The following ANO3 variants were observed in gnomAD, a reference collection of about 807,000 sequenced individuals.
The protein encoded by ANO3 is anoctamin-3.
Under a neutral mutation model 144.8 loss-of-function variants are expected in ANO3, and 99 were observed. The observed-to-expected ratio is 0.68, with a 90% CI of 0.58 to 0.81. The LOEUF (loss-of-function observed/expected upper bound fraction) is 0.81, where lower values mean the gene tolerates loss of function less well. Among genes scored for constraint, ANO3 ranks in the 30% least tolerant of loss-of-function variants. ANO3 has a pLI of 0.00. For synonymous variants in ANO3, 414 were observed against 392.6 expected, an observed-to-expected ratio of 1.05 and a Z score of -0.64; for missense variants, 905 against 1,202.2, an observed-to-expected ratio of 0.75 and a Z score of 3.66.
chr11:26,408,892 A>G (rs1420398230), intron 1 of ANO3, among the ~76,000 whole-genome samples: 5 of 150,618 alleles, frequency 3.3e-5, no homozygotes, highest in Non-Finnish European at 7.4e-5. Flanking sequence ...ACCAAACACC[A>G]CATGTTCTCA....
intron 20 of ANO3, among the ~76,000 whole-genome samples, chr11:26,637,918 C>G (rs747297326): frequency 2.6e-5 from 4 of 152,104 alleles, no homozygotes; most frequent in Admixed American, 2.6e-4. Flanking sequence ...GCCTTCCCAC[C>G]CAAATATCTT....
At chr11:26,367,360 C>T (rs144007315) in intron 1 of ANO3, among the ~76,000 whole-genome samples, 6 of 152,178 alleles carry the variant, frequency 3.9e-5, no homozygotes, top group African/African-American at 2.4e-5. Context: ...TAGGACATAA[C>T]ATATGTGACT....
chr11:26,215,966 T>C (rs896080716), intron 1 of ANO3, among the ~76,000 whole-genome samples: 4 of 151,952 alleles, frequency 2.6e-5, no homozygotes, highest in Non-Finnish European at 5.9e-5. Flanking sequence ...TCAACCAGGG[T>C]ACGATTATTT....
chr11:26,419,390 G>C (rs577496463), intron 1 of ANO3, among the ~76,000 whole-genome samples: 2 of 152,158 alleles, frequency 1.3e-5, no homozygotes, highest in East Asian at 3.9e-4. Context: ...TGATTTTCAC[G>C]TCTATTGGGT....
chr11:26,646,828 T>C (rs1159952907), intron 23 of ANO3, among the ~76,000 whole-genome samples: 1 of 152,154 alleles, frequency 6.6e-6, no homozygotes, highest in Admixed American at 6.5e-5. Flanking sequence ...ATTGTGACTT[T>C]TGTACAAATA....
chr11:26,298,456 G>C (rs1439773189), intron 1 of ANO3, among the ~76,000 whole-genome samples: 5 of 152,182 alleles, frequency 3.3e-5, no homozygotes, highest in Non-Finnish European at 7.3e-5. Context: ...TGGAATAACT[G>C]TTCACTGAAA....
chr11:26,475,035 G>A (rs989093130), intron 4 of ANO3, among the ~76,000 whole-genome samples: 4 of 151,710 alleles, frequency 2.6e-5, no homozygotes, highest in Non-Finnish European at 5.9e-5. Flanking sequence ...TTTAAGAATT[G>A]GCTTTGTGTC....
At chr11:26,583,490 G>T (rs138439172) in intron 14 of ANO3, among the ~76,000 whole-genome samples, 2 of 152,002 alleles carry the variant, frequency 1.3e-5, no homozygotes, top group Non-Finnish European at 2.9e-5. Context: ...AATACAGTTC[G>T]GTCCAAATGT....
chr11:26,205,778 T>C (rs1203150422), intron 1 of ANO3, among the ~76,000 whole-genome samples: 1 of 152,214 alleles, frequency 6.6e-6, no homozygotes, highest in East Asian at 1.9e-4. Flanking sequence ...TACTAATCCA[T>C]GCCCAAGCTT....
intron 1 of ANO3, among the ~76,000 whole-genome samples, chr11:26,345,513 T>A (rs937699404): frequency 2.0e-5 from 3 of 152,096 alleles, no homozygotes; most frequent in African/African-American, 7.2e-5. Context: ...GATCATGCCA[T>A]TGAACTCCAG....
intron 5 of ANO3, among the ~76,000 whole-genome samples, chr11:26,514,019 A>C (rs1395806180): frequency 6.6e-6 from 1 of 152,166 alleles, no homozygotes; most frequent in Non-Finnish European, 1.5e-5. Context: ...ATAGGCATAG[A>C]ATAATTTAAT....
intron 1 of ANO3, among the ~76,000 whole-genome samples, chr11:26,365,083 G>T (rs56659673): frequency 0.016 from 2,506 of 152,258 alleles, 65 homozygotes; most frequent in African/African-American, 0.057. Context: ...CCAAAAAGAA[G>T]AAATCAACCA....
intron 24 of ANO3, among the ~76,000 whole-genome samples, chr11:26,655,147 C>T (rs1853647070): frequency 6.6e-6 from 1 of 152,114 alleles, no homozygotes; most frequent in African/African-American, 2.4e-5. Flanking sequence ...ACTCCCACCC[C>T]CAGCTTTCCA....
chr11:26,237,506 A>G (rs569916460), intron 1 of ANO3, among the ~76,000 whole-genome samples: 2 of 152,048 alleles, frequency 1.3e-5, no homozygotes, highest in Non-Finnish European at 1.5e-5. Context: ...ATTTACAAAT[A>G]AAATACAACT....
intron 1 of ANO3, among the ~76,000 whole-genome samples, chr11:26,281,671 A>G (rs1005377242): frequency 3.9e-5 from 6 of 152,204 alleles, no homozygotes; most frequent in Admixed American, 3.3e-4. Flanking sequence ...AAATAAAAAT[A>G]TTTTGTCAGG....
chr11:26,655,987 A>T, intron 24 of ANO3, 138 bp from the exon 25 acceptor site: 1 of 674,092 alleles, frequency 1.5e-6, no homozygotes, highest in Non-Finnish European at 2.5e-6. Flanking sequence ...GGAATGGAAT[A>T]AAAGAGCTTG....
intron 3 of ANO3, among the ~76,000 whole-genome samples, chr11:26,445,329 T>C (rs1198842677): frequency 6.6e-6 from 1 of 152,216 alleles, no homozygotes; most frequent in African/African-American, 2.4e-5. Context: ...AAGCACCCTT[T>C]ACTAACCTGT....
Position 26,565,848 on chromosome 11 carries a change from A to G in ANO3, c.1447+6069A>G, listed in dbSNP as rs949168093. On this transcript the variant is annotated intron_variant, in intron 14 of 26. Coordinates refer to ENST00000256737, the MANE Select transcript of ANO3 (RefSeq NM_031418.4). ...CGTTGAAATCAACAGAATTTTGGCT[A>G]AGGCCAACATTGTAGGCTTCTTTGG... is the stretch of plus-strand genomic sequence containing the variant. The G allele has an allele frequency of 8.1e-6, 13 of 1,612,420 alleles. No homozygotes were observed. Among genetic ancestry groups the G allele is most frequent in the Admixed American group, 1.7e-5 (1 of 59,796 alleles).
chr11:26,575,827 T>G (rs561302913), intron 14 of ANO3, among the ~76,000 whole-genome samples: 14 of 152,346 alleles, frequency 9.2e-5, no homozygotes, highest in East Asian at 3.9e-4. Context: ...TTGGGTATTT[T>G]TCTGTATTAT....
Sources: allele counts gnomAD v4.1 joint callset (sites outside exome capture counted in the v4.1 genomes callset), GRCh38; gene constraint gnomAD v4.1.1; transcripts MANE v1.5; gene names NCBI Gene and HGNC (gene_info 2026-07-23, HGNC 2026-07-21).